The following TNPO3 variants were observed in gnomAD, a reference collection of about 807,000 sequenced individuals.
TNPO3 encodes the protein transportin-3.
Under a neutral mutation model 122.8 loss-of-function variants are expected in TNPO3, and 65 were observed. That is an observed-to-expected ratio of 0.53 (90% CI 0.43 to 0.65). The LOEUF (loss-of-function observed/expected upper bound fraction) is 0.65. TNPO3 is among the 30% of genes least tolerant of loss of function. The probability of loss-of-function intolerance (pLI) is 0.00; values close to 1 mark genes in which losing one functional copy is unlikely to be tolerated. For synonymous variants in TNPO3, 372 were observed against 411.2 expected, an observed-to-expected ratio of 0.90 and a Z score of 1.15; for missense variants, 850 against 1,136.7, an observed-to-expected ratio of 0.75 and a Z score of 3.63.
intron 1 of TNPO3, among the ~76,000 whole-genome samples, chr7:129,041,111 TC>T (rs762876410): frequency 6.6e-6 from 1 of 152,024 alleles, no homozygotes; most frequent in Non-Finnish European, 1.5e-5. Context: ...ACACCTGTAA[TC>T]CCCGAGCTTT....
chr7:128,981,373 C>T (rs1327582613), intron 14 of TNPO3, among the ~76,000 whole-genome samples: 1 of 152,168 alleles, frequency 6.6e-6, no homozygotes, highest in South Asian at 2.1e-4. Flanking sequence ...CACTCAAATG[C>T]CTTTTTAATC....
At chr7:129,023,007 T>C (rs1804706260) in intron 1 of TNPO3, among the ~76,000 whole-genome samples, 1 of 152,206 alleles carries the variant, frequency 6.6e-6, no homozygotes, top group African/African-American at 2.4e-5. Context: ...TCTGTACAGA[T>C]ACAGTGTGGA....
intron 16 of TNPO3, among the ~76,000 whole-genome samples, chr7:128,976,942 C>T (rs1194649972): frequency 6.6e-6 from 1 of 152,186 alleles, no homozygotes; most frequent in Admixed American, 6.5e-5. Flanking sequence ...TCTTAAAGGG[C>T]TACTTTGTAA....
intron 14 of TNPO3, among the ~76,000 whole-genome samples, chr7:128,980,630 C>T (rs1212497479): frequency 2.0e-5 from 3 of 151,888 alleles, no homozygotes; most frequent in African/African-American, 7.3e-5. Flanking sequence ...GCAGTGGTTG[C>T]AGTGAACCGA....
chr7:129,000,386 C>T (rs201831751), intron 7 of TNPO3, 43 bp downstream of exon 7: 88 of 1,531,628 alleles, frequency 5.7e-5, no homozygotes, highest in Non-Finnish European at 7.4e-5. Flanking sequence ...ATATGCAGCA[C>T]ACAACTTGGA....
At chr7:128,976,162 G>A (rs1799037508) in intron 16 of TNPO3, among the ~76,000 whole-genome samples, 1 of 152,216 alleles carries the variant, frequency 6.6e-6, no homozygotes, top group Non-Finnish European at 1.5e-5. Flanking sequence ...CCAAGACAAT[G>A]CTGTATAAGA....
chr7:129,001,369 G>A, intron 5 of TNPO3, 135 bp from the exon 6 acceptor site: 1 of 697,860 alleles, frequency 1.4e-6, no homozygotes, highest in Non-Finnish European at 2.2e-6. Flanking sequence ...ATAATACAAT[G>A]AAAAACACAA....
At chr7:128,966,733 A>G (rs1797959481) in intron 21 of TNPO3, among the ~76,000 whole-genome samples, 1 of 152,194 alleles carries the variant, frequency 6.6e-6, no homozygotes, top group South Asian at 2.1e-4. Flanking sequence ...AAACACACAC[A>G]CTTTACATTT....
intron 21 of TNPO3, among the ~76,000 whole-genome samples, chr7:128,957,945 T>A (rs1474090470): frequency 1.3e-5 from 2 of 152,150 alleles, no homozygotes; most frequent in African/African-American, 4.8e-5. Flanking sequence ...GAGATGCCTA[T>A]GTGATATGAA....
At chr7:129,037,569 A>C (rs1254007804) in intron 1 of TNPO3, among the ~76,000 whole-genome samples, 1 of 152,116 alleles carries the variant, frequency 6.6e-6, no homozygotes, top group Non-Finnish European at 1.5e-5. Flanking sequence ...CAGACCAGAT[A>C]CTCAAGAGAA....
intron 5 of TNPO3, 135 bp from the exon 6 acceptor site, chr7:129,001,369 G>T: frequency 2.9e-6 from 2 of 697,860 alleles, no homozygotes; most frequent in Non-Finnish European, 4.4e-6. Flanking sequence ...ATAATACAAT[G>T]AAAAACACAA....
chr7:129,033,703 A>G (rs1584586314), intron 1 of TNPO3, among the ~76,000 whole-genome samples: 1 of 152,184 alleles, frequency 6.6e-6, no homozygotes, highest in South Asian at 2.1e-4. Flanking sequence ...ACTTGAGGCC[A>G]GGAGTTCGAG....
chr7:129,023,081 T>A (rs1229008956), intron 1 of TNPO3, among the ~76,000 whole-genome samples: 2 of 152,116 alleles, frequency 1.3e-5, no homozygotes, highest in African/African-American at 4.8e-5. Context: ...AGTAGTAGTG[T>A]TAGTATTGTT....
At position 129,012,072 on chromosome 7, in the gene TNPO3, C is replaced by T. The variant is rs192752274; in HGVS notation, c.552+2907G>A. 5.8e-5 allele frequency among the ~76,000 whole-genome samples: 8 copies of T among 137,362 alleles called. No individual in the cohort carries two copies. The East Asian group carries it at 1.5e-3, about 25-fold the overall frequency. 90.1% of individuals were successfully genotyped at this position (137,362 alleles called of 152,430 possible). A position where few individuals can be genotyped will look rare whatever the true frequency, so the allele number is the denominator to read the frequency against. ...CCAGACTGGAGTGCAGTGGTGCAAT[C>T]TTGGCTCACTGCAACCTCCGCCTCC... is the stretch of plus-strand genomic sequence containing the variant. On this transcript the variant is annotated intron_variant, in intron 4 of 22. Transcript: ENST00000265388.
At chr7:128,996,181 T>A (rs1801295394) in intron 8 of TNPO3, among the ~76,000 whole-genome samples, 1 of 152,164 alleles carries the variant, frequency 6.6e-6, no homozygotes, top group Admixed American at 6.5e-5. Flanking sequence ...GGTCCTAGAT[T>A]AAAGGACGGA....
intron 22 of TNPO3, among the ~76,000 whole-genome samples, chr7:128,955,832 T>C (rs568151572): frequency 2.0e-5 from 3 of 152,354 alleles, no homozygotes; most frequent in African/African-American, 7.2e-5. Context: ...GGATACTGTA[T>C]TAAGCGGAGT....
In TNPO3 at chr7:129,024,357, C is replaced by T. The variant is rs184595524; in HGVS notation, c.121-6200G>A. 1.1e-3 allele frequency among the ~76,000 whole-genome samples: 165 copies of T among 152,240 alleles called. 1 individual carries two copies. Among genetic ancestry groups the T allele is most frequent in the Non-Finnish European group, 2.0e-3 (137 of 68,018 alleles). On this transcript the variant is annotated intron_variant, in intron 1 of 22. Coordinates refer to ENST00000265388, the MANE Select transcript of TNPO3 (RefSeq NM_012470.4). Reference sequence around the variant, plus strand: ...TAGAACCTCCAGACCAGCCCAACCACCAAATGGATGAAAACTGAAGGAGCA... The same window carrying T: ...TAGAACCTCCAGACCAGCCCAACCATCAAATGGATGAAAACTGAAGGAGCA...
At chr7:129,044,992 T>C (rs2150550414) in intron 1 of TNPO3, among the ~76,000 whole-genome samples, 1 of 152,294 alleles carries the variant, frequency 6.6e-6, no homozygotes, top group South Asian at 2.1e-4. Flanking sequence ...GTGGTATATA[T>C]ACATACAACG....
intron 14 of TNPO3, among the ~76,000 whole-genome samples, chr7:128,981,785 G>A (rs1799652320): frequency 6.6e-6 from 1 of 150,804 alleles, no homozygotes; most frequent in South Asian, 2.1e-4. Context: ...CTAGAGTGCA[G>A]TGATGTGATC....
Sources: allele counts gnomAD v4.1 joint callset (sites outside exome capture counted in the v4.1 genomes callset), GRCh38; gene constraint gnomAD v4.1.1; transcripts MANE v1.5; gene names NCBI Gene and HGNC (gene_info 2026-07-23, HGNC 2026-07-21).